AHI1: variants seen among roughly 807,000 people sequenced by gnomAD.
AHI1 encodes Abelson helper integration site 1.
In AHI1, 123 loss-of-function variants were observed where a neutral mutation model predicts 149.3. That is an observed-to-expected ratio of 0.82 (90% CI 0.71 to 0.96). The LOEUF (loss-of-function observed/expected upper bound fraction) is 0.96. Among genes scored for constraint, AHI1 ranks in the 40% least tolerant of loss-of-function variants. The pLI is 0.00. For synonymous variants in AHI1, 475 were observed against 459.8 expected (o/e 1.03, Z -0.42); for missense variants, 1,439 against 1,422.7 (o/e 1.01, Z -0.18).
rs1562214003 is a variant in AHI1 at position 135,455,753 on chromosome 6, T to G, written c.1325A>C (p.Lys442Thr). 1.2e-6 allele frequency: 2 copies of G among 1,601,412 alleles called. No homozygotes were observed. Among genetic ancestry groups the G allele is most frequent in the South Asian group, 1.1e-5 (1 of 88,560 alleles). ...TCATACCTCAAAGAACAGGATGACT[T>G]TAGGACTCTCATCAGAGCCTCGAAG... ...YLLRGSDESP[K>T]VILFFEILDF... Residue 442 changes from lysine (K) to threonine (T), a missense_variant, in exon 10 of 29, where the codon AAA (lysine) becomes ACA (threonine). By Grantham distance (78) the Lys-to-Thr change is moderately conservative (BLOSUM62 -1). Coordinates refer to ENST00000265602, the MANE Select transcript of AHI1 (RefSeq NM_001134831.2).
chr6:135,355,212 C>CA (rs1163018417), intron 24 of AHI1, among the ~76,000 whole-genome samples: 1 of 151,422 alleles, frequency 6.6e-6, no homozygotes, highest in African/African-American at 2.4e-5. Flanking sequence ...CTCAGCATGC[C>CA]AAAAAAATTA....
At chr6:135,330,318 C>T (rs1448489235) in intron 24 of AHI1, among the ~76,000 whole-genome samples, 1 of 152,056 alleles carries the variant, frequency 6.6e-6, no homozygotes, top group Admixed American at 6.5e-5. Flanking sequence ...CCACAACCTT[C>T]AGCAACTATC....
chr6:135,467,075 C>T (rs1418918007), intron 6 of AHI1, among the ~76,000 whole-genome samples: 1 of 152,132 alleles, frequency 6.6e-6, no homozygotes, highest in African/African-American at 2.4e-5. Context: ...AGCTCTGTTT[C>T]CCACCTCCAT....
At chr6:135,340,224 T>A (rs1790078146) in intron 24 of AHI1, among the ~76,000 whole-genome samples, 1 of 151,818 alleles carries the variant, frequency 6.6e-6, no homozygotes, top group Non-Finnish European at 1.5e-5. Flanking sequence ...ACAAAAAAAT[T>A]AGCTGGGCGT....
intron 24 of AHI1, among the ~76,000 whole-genome samples, chr6:135,339,259 C>G (rs2128409075): frequency 6.6e-6 from 1 of 152,228 alleles, no homozygotes; most frequent in South Asian, 2.1e-4. Context: ...TATATAATCT[C>G]AAATATCCTC....
rs1284282782 is a variant in AHI1 at position 135,349,812 on chromosome 6, A to G, written c.3165+8320T>C. On this transcript the variant is annotated intron_variant, in intron 24 of 28. Coordinates refer to ENST00000265602, the MANE Select transcript of AHI1 (RefSeq NM_001134831.2). Reference sequence around the variant, plus strand: ...AGACCCAAAAGTTGACTTTAAGATCAATTTTTTCAACTTTTGTCATTCTAG... The same window carrying G: ...AGACCCAAAAGTTGACTTTAAGATCGATTTTTTCAACTTTTGTCATTCTAG... 2.6e-5 allele frequency among the ~76,000 whole-genome samples: 4 copies of G among 152,184 alleles called. No homozygotes were observed. The East Asian group carries it at 7.7e-4, about 29-fold the overall frequency.
chr6:135,335,149 C>G (rs1162509740), intron 24 of AHI1, among the ~76,000 whole-genome samples: 1 of 152,186 alleles, frequency 6.6e-6, no homozygotes, highest in African/African-American at 2.4e-5. Context: ...GAGTTATTAG[C>G]TTTACTTATC....
Position 135,466,063 on chromosome 6 carries a change from T to C in AHI1, c.500A>G (p.His167Arg), listed in dbSNP as rs781080794. The C allele has an allele frequency of 6.2e-7, 1 of 1,613,998 alleles. No homozygotes were observed. The highest frequency in any genetic ancestry group is 2.2e-5 in the East Asian group (1 of 44,884). The change falls in exon 7 of 29, where the codon CAT (histidine) becomes CGT (arginine). Residue 167 changes from histidine to arginine, a missense_variant. By Grantham distance (29) the His-to-Arg change is conservative. Coordinates refer to ENST00000265602, the MANE Select transcript of AHI1 (RefSeq NM_001134831.2). ...THTKPQPGVD[H>R]QKSEKANEGR... ...CTCATTTGCCTTCTCACTTTTCTGA[T>C]GATCAACGCCTGGCTGTGGCTTTGT...
chr6:135,286,595 C>T (rs1781715797), intron 28 of AHI1: 1 of 152,194 alleles, frequency 6.6e-6, no homozygotes, highest in Admixed American at 6.5e-5. Context: ...AGGGCTTTCC[C>T]TGGGGGCACA....
At chr6:135,394,451 T>TC (rs898183062) in intron 23 of AHI1, among the ~76,000 whole-genome samples, 62 of 152,170 alleles carry the variant, frequency 4.1e-4, no homozygotes, top group African/African-American at 1.2e-3. Context: ...TAACATGGGA[T>TC]TATCCATCTA....
At chr6:135,333,157 T>C (rs1273733835) in intron 24 of AHI1, among the ~76,000 whole-genome samples, 1 of 152,208 alleles carries the variant, frequency 6.6e-6, no homozygotes, top group Non-Finnish European at 1.5e-5. Flanking sequence ...CCATTTAATA[T>C]AGAGCCAAAT....
intron 26 of AHI1, among the ~76,000 whole-genome samples, chr6:135,311,671 G>T (rs1785229210): frequency 6.6e-6 from 1 of 152,154 alleles, no homozygotes; most frequent in South Asian, 2.1e-4. Context: ...AGCAAAAAAA[G>T]TCCAAAACAC....
At chr6:135,490,805 C>T in intron 4 of AHI1, 58 bp from the exon 5 acceptor site, 4 of 1,581,276 alleles carry the variant, frequency 2.5e-6, no homozygotes, top group Admixed American at 3.5e-5. Flanking sequence ...ACACAACCTA[C>T]ACTACTAGGA....
chr6:135,374,661 A>T (rs952547458), intron 23 of AHI1, among the ~76,000 whole-genome samples: 1 of 152,208 alleles, frequency 6.6e-6, no homozygotes, highest in Non-Finnish European at 1.5e-5. Flanking sequence ...AGATACAATG[A>T]AAGAGAATAT....
At chr6:135,471,095 GA>G (rs1280011626) in intron 5 of AHI1, among the ~76,000 whole-genome samples, 4 of 151,998 alleles carry the variant, frequency 2.6e-5, no homozygotes, top group African/African-American at 9.7e-5. Flanking sequence ...TACAAATTGT[GA>G]GGATACTCCT....
intron 20 of AHI1, among the ~76,000 whole-genome samples, chr6:135,417,647 T>G (rs57737019): frequency 0.024 from 3,606 of 152,078 alleles, 158 homozygotes; most frequent in African/African-American, 0.081. Context: ...ACTTGTTTTT[T>G]TCATCTAAAG....
intron 24 of AHI1, among the ~76,000 whole-genome samples, chr6:135,336,410 C>A (rs2128404616): frequency 6.6e-6 from 1 of 152,154 alleles, no homozygotes; most frequent in East Asian, 1.9e-4. Flanking sequence ...CAAGCCTAGA[C>A]AACATGGTGA....
At chr6:135,397,446 T>G (rs988346781) in intron 22 of AHI1, among the ~76,000 whole-genome samples, 1 of 151,996 alleles carries the variant, frequency 6.6e-6, no homozygotes, top group Non-Finnish European at 1.5e-5. Context: ...AACCACAGTC[T>G]GCCAAAGTCA....
chr6:135,286,673 T>C (rs894623795), intron 28 of AHI1: 6 of 152,238 alleles, frequency 3.9e-5, no homozygotes, highest in Non-Finnish European at 7.3e-5. Context: ...GCACTATCTT[T>C]TCATATAAAA....
Sources: gnomAD v4.1 joint callset for allele counts (sites outside exome capture counted in the v4.1 genomes callset) on GRCh38, gnomAD v4.1.1 for gene constraint, MANE v1.5 for transcripts, NCBI Gene and HGNC (gene_info 2026-07-23, HGNC 2026-07-21) for gene names.